The following TBC1D22A variants were observed in gnomAD, a reference collection of about 807,000 sequenced individuals.
TBC1D22A encodes TBC1 domain family member 22A.
In TBC1D22A, 38 loss-of-function variants were observed where a neutral mutation model predicts 60.2. The observed-to-expected ratio is 0.63, with a 90% CI of 0.49 to 0.83. The LOEUF is 0.83. TBC1D22A is among the 40% of genes least tolerant of loss of function. TBC1D22A has a pLI of 0.00. For missense variants in TBC1D22A, 628 were observed against 701.0 expected (o/e 0.90, Z 1.18); for synonymous variants, 302 against 281.7 (o/e 1.07, Z -0.72).
chr22:46,911,249 G>C (rs1161352649), intron 7 of TBC1D22A, among the ~76,000 whole-genome samples: 1 of 152,164 alleles, frequency 6.6e-6, no homozygotes, highest in Non-Finnish European at 1.5e-5. Context: ...AATGACTCCT[G>C]CATGCCTGGC....
At chr22:47,167,585 G>A (rs76413283) in intron 12 of TBC1D22A, among the ~76,000 whole-genome samples, 361 of 152,294 alleles carry the variant, frequency 2.4e-3, no homozygotes, top group African/African-American at 8.3e-3. Context: ...GTACGTGGAC[G>A]CCAGAGAGTA....
chr22:46,936,313 C>T lies in TBC1D22A; in HGVS notation c.1015+24125C>T, dbSNP rs576678245. 1.4e-4 allele frequency among the ~76,000 whole-genome samples: 22 copies of T among 151,868 alleles called. No homozygotes were observed. In the South Asian group the frequency reaches 3.5e-3, roughly 24 times the overall value. On this transcript the variant is annotated intron_variant, in intron 8 of 12. Transcript: ENST00000337137. ...TGCACGCCCTCTTCCTGGGGCCAGG[C>T]TCCTCGCAGTTCTGCACGCCCTCGT...
At chr22:47,047,547 G>GGACCCAGAA (rs1158169703) in intron 11 of TBC1D22A, among the ~76,000 whole-genome samples, 11 of 152,238 alleles carry the variant, frequency 7.2e-5, no homozygotes, top group African/African-American at 2.7e-4. Flanking sequence ...AGGACCCAGA[G>GGACCCAGAA]AGGAGTAGTC....
At chr22:46,996,104 A>G (rs2075114151) in intron 9 of TBC1D22A, among the ~76,000 whole-genome samples, 1 of 152,180 alleles carries the variant, frequency 6.6e-6, no homozygotes, top group Admixed American at 6.5e-5. Flanking sequence ...GCAGCAGATC[A>G]TCCCCCACTG....
chr22:47,058,160 C>T (rs565212610), intron 11 of TBC1D22A, among the ~76,000 whole-genome samples: 9 of 152,328 alleles, frequency 5.9e-5, no homozygotes, highest in Non-Finnish European at 1.2e-4. Flanking sequence ...CCACACCCTG[C>T]GTGCGGACTC....
At chr22:47,125,108 G>A (rs918234258) in intron 12 of TBC1D22A, among the ~76,000 whole-genome samples, 8 of 152,218 alleles carry the variant, frequency 5.3e-5, no homozygotes, top group Admixed American at 2.0e-4. Flanking sequence ...CCATGGGGCA[G>A]CGCCCTCCAG....
At chr22:46,835,521 G>A (rs1281205258) in intron 4 of TBC1D22A, among the ~76,000 whole-genome samples, 2 of 152,064 alleles carry the variant, frequency 1.3e-5, no homozygotes, top group Non-Finnish European at 2.9e-5. Context: ...TCAAAGACAG[G>A]TCATTTGAAA....
chr22:47,152,880 A>C (rs1175607076), intron 12 of TBC1D22A, among the ~76,000 whole-genome samples: 2 of 152,076 alleles, frequency 1.3e-5, no homozygotes, highest in African/African-American at 4.8e-5. Context: ...GCTGGAAGGG[A>C]GACCCCCTGA....
intron 8 of TBC1D22A, among the ~76,000 whole-genome samples, chr22:46,926,648 A>G (rs2071065906): frequency 1.3e-5 from 2 of 152,182 alleles, no homozygotes; most frequent in Non-Finnish European, 2.9e-5. Context: ...ACCCTCCACA[A>G]TGTAGGTGGG....
intron 1 of TBC1D22A, among the ~76,000 whole-genome samples, chr22:46,791,806 G>A (rs1370150107): frequency 6.6e-6 from 1 of 152,196 alleles, no homozygotes; most frequent in Non-Finnish European, 1.5e-5. Context: ...TGTCACCCAG[G>A]CTGCAGTGCA....
At chr22:47,087,922 A>T (rs1425809988) in intron 11 of TBC1D22A, among the ~76,000 whole-genome samples, 1 of 151,886 alleles carries the variant, frequency 6.6e-6, no homozygotes. Context: ...AAAAATACAA[A>T]ATTAGCCAGG....
intron 11 of TBC1D22A, among the ~76,000 whole-genome samples, chr22:47,061,121 G>T (rs543689415): frequency 2.0e-5 from 3 of 149,442 alleles, no homozygotes; most frequent in African/African-American, 5.0e-5. Context: ...CCTCACCACC[G>T]TCCTGGAAAG....
chr22:46,893,689 C>T (rs1319025047), intron 6 of TBC1D22A, among the ~76,000 whole-genome samples: 2 of 152,252 alleles, frequency 1.3e-5, no homozygotes, highest in Non-Finnish European at 2.9e-5. Flanking sequence ...TCCCTGCTGG[C>T]ACCTGGGCTC....
intron 4 of TBC1D22A, among the ~76,000 whole-genome samples, chr22:46,875,891 A>G (rs1476855642): frequency 6.6e-6 from 1 of 152,228 alleles, no homozygotes; most frequent in African/African-American, 2.4e-5. Flanking sequence ...CAAAAAGCCA[A>G]GTGGTGGAGT....
chr22:46,905,121 G>T (rs2069368052), intron 7 of TBC1D22A, among the ~76,000 whole-genome samples: 1 of 152,210 alleles, frequency 6.6e-6, no homozygotes, highest in Non-Finnish European at 1.5e-5. Flanking sequence ...GGACGGTGGG[G>T]ACTCTTAGGC....
intron 4 of TBC1D22A, among the ~76,000 whole-genome samples, chr22:46,859,046 C>A (rs1011770958): frequency 6.8e-6 from 1 of 147,526 alleles, no homozygotes; most frequent in Admixed American, 6.7e-5. Flanking sequence ...TGCTGTGCCC[C>A]TTCCCGGGAC....
chr22:46,974,538 G>A, intron 9 of TBC1D22A, 139 bp downstream of exon 9: 1 of 708,306 alleles, frequency 1.4e-6, no homozygotes, highest in South Asian at 1.7e-5. Context: ...ATCTGGAATA[G>A]CACAGACCCC....
At chr22:46,786,455 T>C (rs1011009281) in intron 1 of TBC1D22A, among the ~76,000 whole-genome samples, 3 of 152,232 alleles carry the variant, frequency 2.0e-5, no homozygotes, top group Non-Finnish European at 4.4e-5. Flanking sequence ...TAAGAGATAC[T>C]GGTTTGTAGT....
chr22:47,158,698 G>A (rs759883869), intron 12 of TBC1D22A, among the ~76,000 whole-genome samples: 1 of 152,068 alleles, frequency 6.6e-6, no homozygotes, highest in African/African-American at 2.4e-5. Context: ...TGGTTTCTTC[G>A]GCCAGGTGGC....
Sources: gnomAD v4.1 joint callset for allele counts (sites outside exome capture counted in the v4.1 genomes callset) on GRCh38, gnomAD v4.1.1 for gene constraint, MANE v1.5 for transcripts, NCBI Gene and HGNC (gene_info 2026-07-23, HGNC 2026-07-21) for gene names.